ZDHHC21: variants seen among roughly 807,000 people sequenced by gnomAD.
The protein encoded by ZDHHC21 is zDHHC palmitoyltransferase 21, also known as palmitoyltransferase ZDHHC21.
In ZDHHC21, 15 loss-of-function variants were observed where a neutral mutation model predicts 34.6. That is an observed-to-expected ratio of 0.43 (90% CI 0.29 to 0.67). The LOEUF (loss-of-function observed/expected upper bound fraction) is 0.67. Ranked by LOEUF, ZDHHC21 falls within the 30% of genes least tolerant of loss-of-function variation. ZDHHC21 has a pLI of 0.14. For missense variants in ZDHHC21, 344 were observed against 327.7 expected (o/e 1.05, Z -0.38); for synonymous variants, 142 against 101.8 (o/e 1.40, Z -2.38).
intron 6 of ZDHHC21, among the ~76,000 whole-genome samples, chr9:14,660,056 C>T (rs1362878124): frequency 6.6e-6 from 1 of 151,998 alleles, no homozygotes; most frequent in Non-Finnish European, 1.5e-5. Flanking sequence ...CTTTTTGTAA[C>T]ATCTGCACTA....
intron 8 of ZDHHC21, among the ~76,000 whole-genome samples, chr9:14,620,725 A>G (rs1009768844): frequency 4.6e-5 from 7 of 152,038 alleles, no homozygotes; most frequent in Admixed American, 2.6e-4. Context: ...AATTCTCATT[A>G]AGAATAGTTG....
chr9:14,624,374 A>G (rs922781036), intron 8 of ZDHHC21, among the ~76,000 whole-genome samples: 3 of 152,230 alleles, frequency 2.0e-5, no homozygotes, highest in Admixed American at 2.0e-4. Context: ...TCAGAGTCCC[A>G]TGTTTATTGC....
At chr9:14,648,245 G>T (rs1830614303) in intron 7 of ZDHHC21, among the ~76,000 whole-genome samples, 1 of 151,990 alleles carries the variant, frequency 6.6e-6, no homozygotes, top group Non-Finnish European at 1.5e-5. Flanking sequence ...TTCATATTTG[G>T]ACGGTATTTT....
intron 3 of ZDHHC21, among the ~76,000 whole-genome samples, chr9:14,679,671 T>G (rs748101291): frequency 2.6e-5 from 4 of 152,174 alleles, no homozygotes; most frequent in Non-Finnish European, 5.9e-5. Context: ...GACACTAAAC[T>G]TACAAACTAA....
At chr9:14,609,115 T>TA (rs756993038), downstream of ZDHHC21, among the ~76,000 whole-genome samples, 62 of 152,108 alleles carry the variant, frequency 4.1e-4, no homozygotes, top group Non-Finnish European at 6.6e-4. Context: ...TTAACTAGAT[T>TA]AAACCACACT....
chr9:14,595,843 C>G, the ZDHHC21 span, among the ~76,000 whole-genome samples: 13 of 152,210 alleles, frequency 8.5e-5, no homozygotes, highest in African/African-American at 3.1e-4. Flanking sequence ...AGATGTTCAA[C>G]ATCATTAGCC....
chr9:14,611,624 C>G lies in ZDHHC21; in HGVS notation c.*7342G>C, dbSNP rs1823314719. The stretch of plus-strand genomic sequence containing the variant: ...TTTAGGGATATAATACTAGACAGAA[C>G]TTGGGGTTCACACATAATTTTAGGA... On this transcript the variant is annotated 3_prime_UTR_variant, in exon 10 of 10. Transcript: ENST00000380916. The G allele has an allele frequency of 6.6e-6, 1 of 151,952 alleles. No individual in the cohort carries two copies. Among genetic ancestry groups the G allele is most frequent in the Admixed American group, 6.6e-5 (1 of 15,222 alleles). The allele number at this position is 151,952 out of a possible 1,614,324, so 9.4% of individuals were successfully genotyped here.
At chr9:14,678,173 A>G (rs201214144) in intron 3 of ZDHHC21, among the ~76,000 whole-genome samples, 2 of 152,068 alleles carry the variant, frequency 1.3e-5, no homozygotes, top group East Asian at 3.9e-4. Context: ...TCAGTTCACA[A>G]TGATTTATCT....
chr9:14,602,707 AAC>A, the ZDHHC21 span, among the ~76,000 whole-genome samples: 1 of 152,178 alleles, frequency 6.6e-6, no homozygotes, highest in Non-Finnish European at 1.5e-5. Flanking sequence ...AACGAAAAGA[AAC>A]ATACTCACAA....
At chr9:14,609,522 G>A (rs183419266), downstream of ZDHHC21, among the ~76,000 whole-genome samples, 2 of 152,078 alleles carry the variant, frequency 1.3e-5, no homozygotes, top group South Asian at 4.1e-4. Flanking sequence ...ATGAAAATTA[G>A]AATTCTGAAA....
At chr9:14,670,432 A>G (rs576562170) in intron 5 of ZDHHC21, among the ~76,000 whole-genome samples, 1 of 152,248 alleles carries the variant, frequency 6.6e-6, no homozygotes, top group Admixed American at 6.5e-5. Flanking sequence ...TGACATGTAA[A>G]ATCATAAAAT....
At chr9:14,596,083 G>A in the ZDHHC21 span, among the ~76,000 whole-genome samples, 1 of 152,182 alleles carries the variant, frequency 6.6e-6, no homozygotes, top group African/African-American at 2.4e-5. Context: ...TTATCCAAGG[G>A]AAATGAAAAC....
chr9:14,689,797 C>A (rs1008950416), intron 2 of ZDHHC21, among the ~76,000 whole-genome samples: 1 of 152,300 alleles, frequency 6.6e-6, no homozygotes, highest in Non-Finnish European at 1.5e-5. Flanking sequence ...CAGGGTCTCA[C>A]TATGTTGTCC....
chr9:14,685,765 T>C (rs1000476408), intron 2 of ZDHHC21, among the ~76,000 whole-genome samples: 4 of 152,214 alleles, frequency 2.6e-5, no homozygotes, highest in African/African-American at 7.2e-5. Context: ...GTATGTGTAT[T>C]GCAGCACTAT....
At chr9:14,685,061 A>G (rs1838067835) in intron 2 of ZDHHC21, among the ~76,000 whole-genome samples, 1 of 152,212 alleles carries the variant, frequency 6.6e-6, no homozygotes, top group Non-Finnish European at 1.5e-5. Context: ...TTCAAGATGG[A>G]TTAAAGACTT....
intron 8 of ZDHHC21, among the ~76,000 whole-genome samples, chr9:14,638,446 G>C (rs1828697074): frequency 6.6e-6 from 1 of 151,820 alleles, no homozygotes; most frequent in South Asian, 2.1e-4. Flanking sequence ...AACTACCAGA[G>C]GAAAACTTAG....
At position 14,674,200 on chromosome 9, in the gene ZDHHC21, G is replaced by A; in HGVS notation, c.141C>T (p.Gly47=). 1 of 1,514,668 alleles carries A rather than the reference G, an allele frequency of 6.6e-7. No individual in the cohort carries two copies. The highest frequency in any genetic ancestry group is 1.4e-5 in the South Asian group (1 of 71,352). 93.8% of individuals were successfully genotyped at this position (1,514,668 alleles called of 1,614,324 possible). A position where few individuals can be genotyped will look rare whatever the true frequency, so the allele number is the denominator to read the frequency against. Reference sequence around the variant, plus strand: ...CAAGAAACTTACTTATTATTAATATGCCTGGAATATGTCCTTCTTCATAGT... The same window carrying A: ...CAAGAAACTTACTTATTATTAATATACCTGGAATATGTCCTTCTTCATAGT... ...FPHYEEGHIP[G]ILIIIFYGIS... is the part of the protein sequence containing the mutation. Residue 47 remains glycine, a synonymous_variant, in exon 4 of 10, where the codon GGC becomes GGT. Transcript: ENST00000380916.
At chr9:14,679,284 G>C (rs946041029) in intron 3 of ZDHHC21, among the ~76,000 whole-genome samples, 1 of 152,176 alleles carries the variant, frequency 6.6e-6, no homozygotes, top group African/African-American at 2.4e-5. Context: ...CAGAAAGACA[G>C]ATGAGTATGT....
the ZDHHC21 span, among the ~76,000 whole-genome samples, chr9:14,591,632 T>C: frequency 6.6e-6 from 1 of 152,182 alleles, no homozygotes; most frequent in Non-Finnish European, 1.5e-5. Context: ...GTTCTAAAAC[T>C]GGTCCATGAT....
Sources: gnomAD v4.1 joint callset for allele counts (sites outside exome capture counted in the v4.1 genomes callset) on GRCh38, gnomAD v4.1.1 for gene constraint, MANE v1.5 for transcripts, NCBI Gene and HGNC (gene_info 2026-07-23, HGNC 2026-07-21) for gene names.